Variants in C7 observed in about 807,000 individuals in gnomAD.
C7 encodes the protein complement C7.
In C7, 83 loss-of-function variants were observed where a neutral mutation model predicts 104.8. The ratio of observed to expected loss-of-function variants is 0.79; its 90% CI spans 0.66 to 0.95. The LOEUF (loss-of-function observed/expected upper bound fraction) is 0.95. Ranked by LOEUF, C7 falls within the 40% of genes least tolerant of loss-of-function variation. The pLI is 0.00. For synonymous variants in C7, 415 were observed against 360.6 expected, an observed-to-expected ratio of 1.15 and a Z score of -1.71; for missense variants, 1,070 against 1,011.2, an observed-to-expected ratio of 1.06 and a Z score of -0.79.
chr5:40,980,064 C>T (rs1055021), intron 17 of C7, 155 bp downstream of exon 17: 1 of 516,506 alleles, frequency 1.9e-6, no homozygotes, highest in African/African-American at 1.9e-5. Flanking sequence ...CTCTCCTATA[C>T]CCCTCACTGG....
intron 6 of C7, among the ~76,000 whole-genome samples, chr5:40,938,510 A>G (rs985579642): frequency 6.6e-6 from 1 of 152,158 alleles, no homozygotes; most frequent in Non-Finnish European, 1.5e-5. Context: ...ATACAAATGA[A>G]CTAGAGCTTC....
intron 11 of C7, among the ~76,000 whole-genome samples, chr5:40,959,116 A>G (rs1476238285): frequency 6.6e-6 from 1 of 152,182 alleles, no homozygotes; most frequent in Non-Finnish European, 1.5e-5. Context: ...GTCTAATTAA[A>G]TAGAATGGTA....
At chr5:40,949,062 G>C (rs908531536) in intron 8 of C7, among the ~76,000 whole-genome samples, 2 of 152,078 alleles carry the variant, frequency 1.3e-5, no homozygotes, top group Middle Eastern at 3.4e-3. Flanking sequence ...AATCCAGCAA[G>C]TAGTTTGGTC....
chr5:40,935,407 C>A (rs1680472751), intron 4 of C7, among the ~76,000 whole-genome samples: 1 of 152,096 alleles, frequency 6.6e-6, no homozygotes. Context: ...GATTGAGTGG[C>A]AGTATAGCAG....
intron 1 of C7, among the ~76,000 whole-genome samples, chr5:40,920,536 TAAA>T (rs555616278): frequency 8.2e-5 from 10 of 121,700 alleles, no homozygotes; most frequent in Non-Finnish European, 8.7e-5. Flanking sequence ...GTTCTCCCAT[TAAA>T]AAAAAAAAAA....
chr5:40,981,589 G>C lies in C7; in HGVS notation c.*16G>C, dbSNP rs1200450263. ...AACCCAGTAGGCTCCTGGAGGCCCT[G>C]GTCAGCTTGCTTGGAATCCAGCAGG... On this transcript the variant is annotated 3_prime_UTR_variant, in exon 18 of 18. Coordinates refer to ENST00000313164, the MANE Select transcript of C7 (RefSeq NM_000587.4). The C allele has an allele frequency of 6.3e-7, 1 of 1,586,744 alleles. No individual in the cohort carries two copies. Among genetic ancestry groups the C allele is most frequent in the Non-Finnish European group, 8.6e-7 (1 of 1,162,580 alleles).
At chr5:40,972,372 A>G (rs762601649) in intron 14 of C7, 31 bp from the exon 15 acceptor site, 5 of 1,584,422 alleles carry the variant, frequency 3.2e-6, no homozygotes, top group African/African-American at 2.7e-5. Context: ...GAGAGCAACG[A>G]CCCTTATATT....
intron 8 of C7, among the ~76,000 whole-genome samples, chr5:40,948,561 G>A (rs1279833182): frequency 1.3e-5 from 2 of 152,226 alleles, no homozygotes; most frequent in South Asian, 4.1e-4. Context: ...CCTGATTTTG[G>A]TTAGAATCAG....
At chr5:40,943,945 G>A (rs1739995697) in intron 6 of C7, among the ~76,000 whole-genome samples, 1 of 151,944 alleles carries the variant, frequency 6.6e-6, no homozygotes, top group South Asian at 2.1e-4. Context: ...TTTTTTGACT[G>A]GGCATATACT....
chr5:40,945,369 G>T lies in C7; in HGVS notation c.738+1G>T, dbSNP rs1732112882. 1 of 1,570,742 alleles carries T rather than the reference G, an allele frequency of 6.4e-7. No homozygotes were observed. The highest frequency in any genetic ancestry group is 1.4e-5 in the African/African-American group (1 of 72,352). ...TACCAATGAAATCCATAAAGGAAAG[G>T]TTAGTATAAAATGTCAGTTAACTTT... On this transcript the variant is annotated splice_donor_variant, in intron 7 of 17. Transcript: ENST00000313164. LOFTEE classifies it high-confidence loss of function.
At chr5:40,932,712 C>T (rs1326662708) in intron 3 of C7, among the ~76,000 whole-genome samples, 2 of 152,006 alleles carry the variant, frequency 1.3e-5, no homozygotes, top group Non-Finnish European at 2.9e-5. Flanking sequence ...ACATCAAACA[C>T]GTTAAATATT....
Position 40,967,034 on chromosome 5 carries a change from T to G in C7, c.1882+2161T>G, listed in dbSNP as rs1740569780. Among the ~76,000 whole-genome samples the G allele has an allele frequency of 3.3e-5, 5 of 152,048 alleles. No individual in the cohort carries two copies. In the South Asian group the frequency reaches 1.0e-3, roughly 32 times the overall value. ...TTTTCCTTTATTGTGAACCGACTGA[T>G]GAAATGTCTGTCTTTTACCTTGACT... On this transcript the variant is annotated intron_variant, in intron 14 of 17. Transcript: ENST00000313164.
At chr5:40,934,500 T>C in intron 4 of C7, 34 bp downstream of exon 4, 1 of 1,604,550 alleles carries the variant, frequency 6.2e-7, no homozygotes, top group Non-Finnish European at 8.5e-7. Flanking sequence ...GCATGCAGAT[T>C]GTAAATTCAA....
chr5:40,968,596 ATATATTTTTTTTTTTTTTTTTT>A (rs1561257515), intron 14 of C7, among the ~76,000 whole-genome samples: 41 of 23,390 alleles, frequency 1.8e-3, no homozygotes, highest in Admixed American at 3.2e-3. Context: ...ATATATATAT[ATATATTTTTTTTTTTTTTTTTT>A]TTTTTTTTTT....
rs756607429 is a variant in C7, at chr5:40,909,617, G to C, written c.6+1G>C. ...CCTGAATGTTTTCCCAAACATGAAG[G>C]TAAGACAATAAATTCATTACTTTTG... On this transcript the variant is annotated splice_donor_variant, in intron 1 of 17. Transcript: ENST00000313164. LOFTEE classifies it high-confidence loss of function. The C allele has an allele frequency of 6.5e-7, 1 of 1,550,246 alleles. No individual in the cohort carries two copies.
chr5:40,942,397 G>C (rs1024250785), intron 6 of C7, among the ~76,000 whole-genome samples: 1 of 152,042 alleles, frequency 6.6e-6, no homozygotes, highest in Admixed American at 6.6e-5. Flanking sequence ...ATACAGAGAA[G>C]AGAGAGAAAA....
At position 40,982,120 on chromosome 5, in the gene C7, C is replaced by T. The variant is rs2111738829; in HGVS notation, c.*547C>T. On this transcript the variant is annotated 3_prime_UTR_variant, in exon 18 of 18. Coordinates refer to ENST00000313164, the MANE Select transcript of C7 (RefSeq NM_000587.4). ...CTCACACTTCATCCTATAGAGTCAA[C>T]CACCACAGATAGGAATTCCTTATTC... 1 of 152,290 alleles carries T rather than the reference C, an allele frequency of 6.6e-6. No individual in the cohort carries two copies. The highest frequency in any genetic ancestry group is 2.1e-4 in the South Asian group (1 of 4,812). 9.4% of individuals were successfully genotyped at this position (152,290 alleles called of 1,614,324 possible). A position where few individuals can be genotyped will look rare whatever the true frequency, so the allele number is the denominator to read the frequency against.
At chr5:40,947,097 A>ATTTTTTTT (rs70988819) in intron 7 of C7, among the ~76,000 whole-genome samples, 2 of 127,196 alleles carry the variant, frequency 1.6e-5, no homozygotes, top group African/African-American at 2.9e-5. Flanking sequence ...CATTACTCAG[A>ATTTTTTTT]TTTTTTTTTT....
chr5:40,979,796 A>G lies in C7; in HGVS notation c.2237A>G (p.His746Arg). The G allele has an allele frequency of 2.5e-6, 4 of 1,613,706 alleles. No individual in the cohort carries two copies. The highest frequency in any genetic ancestry group is 3.4e-6 in the Non-Finnish European group (4 of 1,179,674). Residue 746 changes from histidine (H) to arginine (R), a missense_variant, in exon 17 of 18, where the codon CAT (histidine) becomes CGT (arginine). His to Arg is a conservative substitution (Grantham distance 29). Coordinates refer to ENST00000313164, the MANE Select transcript of C7 (RefSeq NM_000587.4). ...CTGCCTCTGACAGTTTGCAAGATGC[A>G]TGTTCTCCACTGTCAGGGTAGAAAT... Reference protein sequence around the residue: ...RILPLTVCKMHVLHCQGRNYT... With the variant: ...RILPLTVCKMRVLHCQGRNYT...
Sources: gnomAD v4.1 joint callset for allele counts (sites outside exome capture counted in the v4.1 genomes callset) on GRCh38, gnomAD v4.1.1 for gene constraint, MANE v1.5 for transcripts, NCBI Gene and HGNC (gene_info 2026-07-23, HGNC 2026-07-21) for gene names.